The following EYS variants were observed in gnomAD, a reference collection of about 807,000 sequenced individuals.
EYS encodes the protein EGF-like photoreceptor maintenance factor.
Under a neutral mutation model 282.1 loss-of-function variants are expected in EYS, and 250 were observed. The observed-to-expected ratio is 0.89, with a 90% CI of 0.80 to 0.98. The LOEUF (loss-of-function observed/expected upper bound fraction) is 0.98, where lower values mean the gene tolerates loss of function less well. Among genes scored for constraint, EYS ranks in the 50% least tolerant of loss-of-function variants. The pLI is 0.00. For synonymous variants in EYS, 1,355 were observed against 1,282.9 expected (o/e 1.06, Z -1.20); for missense variants, 4,016 against 3,709.0 (o/e 1.08, Z -2.15).
chr6:65,292,395 G>A (rs1768551637), intron 12 of EYS, among the ~76,000 whole-genome samples: 1 of 151,662 alleles, frequency 6.6e-6, no homozygotes, highest in Non-Finnish European at 1.5e-5. Flanking sequence ...TATAGAGACT[G>A]GAATGTCGAA....
intron 2 of EYS, among the ~76,000 whole-genome samples, chr6:65,631,823 T>A (rs1329073136): frequency 6.6e-6 from 1 of 152,108 alleles, no homozygotes; most frequent in Admixed American, 6.5e-5. Flanking sequence ...TTTTAGAAAG[T>A]CCATTATTAT....
At chr6:64,131,108 CT>C (rs201180879) in intron 31 of EYS, among the ~76,000 whole-genome samples, 1 of 113,486 alleles carries the variant, frequency 8.8e-6, no homozygotes, top group Non-Finnish European at 1.8e-5. Context: ...CTTCGTGATC[CT>C]CCCCCCCTTG....
chr6:65,537,609 G>C (rs755733924), intron 2 of EYS, among the ~76,000 whole-genome samples: 2 of 152,014 alleles, frequency 1.3e-5, no homozygotes, highest in Non-Finnish European at 2.9e-5. Context: ...TTTACTATTA[G>C]TTGGAAAATC....
intron 31 of EYS, among the ~76,000 whole-genome samples, chr6:64,184,792 G>T (rs1030475639): frequency 2.6e-5 from 4 of 152,076 alleles, no homozygotes; most frequent in Non-Finnish European, 5.9e-5. Flanking sequence ...AAAAGAATAA[G>T]AATTTTATTT....
intron 26 of EYS, among the ~76,000 whole-genome samples, chr6:64,461,617 G>GT (rs1320625506): frequency 1.3e-5 from 2 of 152,132 alleles, no homozygotes; most frequent in African/African-American, 4.8e-5. Flanking sequence ...TTATACTCCA[G>GT]TGACTGTGGA....
At chr6:63,900,576 C>A (rs180795453) in intron 35 of EYS, among the ~76,000 whole-genome samples, 1 of 152,276 alleles carries the variant, frequency 6.6e-6, no homozygotes, top group Admixed American at 6.5e-5. Context: ...ACAGAACCTG[C>A]ACACAGGTGT....
chr6:64,986,762 T>TTAAA (rs370281877), intron 14 of EYS, among the ~76,000 whole-genome samples: 1 of 150,708 alleles, frequency 6.6e-6, no homozygotes, highest in Non-Finnish European at 1.5e-5. Context: ...TAGTTAAAAT[T>TTAAA]GATGTATTTT....
intron 29 of EYS, among the ~76,000 whole-genome samples, chr6:64,360,499 T>A (rs565272705): frequency 6.6e-6 from 1 of 151,704 alleles, no homozygotes. Flanking sequence ...CTTGGTGCTA[T>A]TCCTGACCTG....
chr6:64,091,631 G>A (rs1772364992), intron 31 of EYS, among the ~76,000 whole-genome samples: 1 of 152,170 alleles, frequency 6.6e-6, no homozygotes, highest in Non-Finnish European at 1.5e-5. Context: ...TCATGGCTGG[G>A]TGGATCAGGC....
At chr6:64,897,607 G>A (rs1767515915) in intron 18 of EYS, among the ~76,000 whole-genome samples, 3 of 152,298 alleles carry the variant, frequency 2.0e-5, no homozygotes, top group South Asian at 4.1e-4. Flanking sequence ...GAATGAGTTT[G>A]ACGAATTGAC....
chr6:64,104,747 C>A (rs898188195), intron 31 of EYS, among the ~76,000 whole-genome samples: 1 of 133,612 alleles, frequency 7.5e-6, no homozygotes, highest in African/African-American at 2.7e-5. Flanking sequence ...TTCTGGCAAG[C>A]TTTTTTTTTT....
intron 29 of EYS, among the ~76,000 whole-genome samples, chr6:64,368,393 GC>G (rs1772247314): frequency 6.6e-6 from 1 of 152,080 alleles, no homozygotes; most frequent in African/African-American, 2.4e-5. Context: ...GAATAGTGCT[GC>G]GATAAACATA....
At chr6:64,505,919 T>G (rs138713442) in intron 26 of EYS, among the ~76,000 whole-genome samples, 2 of 152,324 alleles carry the variant, frequency 1.3e-5, no homozygotes, top group Non-Finnish European at 2.9e-5. Context: ...TATGCTGATA[T>G]GCTTGAGAAT....
chr6:64,552,257 C>A (rs1252066757), intron 26 of EYS, among the ~76,000 whole-genome samples: 1 of 152,184 alleles, frequency 6.6e-6, no homozygotes, highest in African/African-American at 2.4e-5. Context: ...AAGATACCTA[C>A]ATGACAGCAG....
chr6:65,342,922 T>C (rs1459261722), intron 10 of EYS, among the ~76,000 whole-genome samples: 2 of 151,054 alleles, frequency 1.3e-5, no homozygotes, highest in African/African-American at 4.8e-5. Flanking sequence ...TTACAGTTAC[T>C]GAATTATTAA....
intron 2 of EYS, among the ~76,000 whole-genome samples, chr6:65,602,182 C>T (rs1004451367): frequency 6.6e-6 from 1 of 151,758 alleles, no homozygotes; most frequent in African/African-American, 2.4e-5. Context: ...TCCTCCAAAA[C>T]TTAAAATTAA....
intron 31 of EYS, among the ~76,000 whole-genome samples, chr6:64,181,712 A>G (rs1165214376): frequency 6.6e-6 from 1 of 152,122 alleles, no homozygotes; most frequent in East Asian, 1.9e-4. Flanking sequence ...CGTGTTTTTT[A>G]TCTCAAAAAT....
At chr6:64,332,653 C>T (rs1770690515) in intron 29 of EYS, among the ~76,000 whole-genome samples, 2 of 152,180 alleles carry the variant, frequency 1.3e-5, no homozygotes, top group Admixed American at 1.3e-4. Context: ...GACCAAGCCA[C>T]TACTGACAAG....
intron 2 of EYS, among the ~76,000 whole-genome samples, chr6:65,603,345 T>G (rs888296616): frequency 2.0e-5 from 3 of 151,442 alleles, no homozygotes; most frequent in Admixed American, 1.3e-4. Flanking sequence ...TAATGGACCA[T>G]GGACTTGAGA....
Sources: allele counts gnomAD v4.1 joint callset (sites outside exome capture counted in the v4.1 genomes callset), GRCh38; gene constraint gnomAD v4.1.1; transcripts MANE v1.5; gene names NCBI Gene and HGNC (gene_info 2026-07-23, HGNC 2026-07-21).